Variants in CPT2 observed in about 807,000 individuals in gnomAD.
The protein encoded by CPT2 is carnitine palmitoyltransferase 2.
Under a neutral mutation model 48.6 loss-of-function variants are expected in CPT2, and 37 were observed. The ratio of observed to expected loss-of-function variants is 0.76; its 90% CI spans 0.59 to 1.00. The LOEUF is 1.00. Among genes scored for constraint, CPT2 ranks in the 50% least tolerant of loss-of-function variants. CPT2 has a pLI of 0.00. For missense variants in CPT2, 772 were observed against 825.6 expected (o/e 0.94, Z 0.80); for synonymous variants, 319 against 326.9 (o/e 0.98, Z 0.26).
intron 4 of CPT2, among the ~76,000 whole-genome samples, chr1:53,213,027 C>T (rs1319932921): frequency 6.6e-6 from 1 of 152,164 alleles, no homozygotes; most frequent in Non-Finnish European, 1.5e-5. Context: ...ATTTTTAGCT[C>T]AGCTGTTGAC....
Position 53,213,763 on chromosome 1 carries a change from T to C in CPT2, c.*168T>C. On this transcript the variant is annotated 3_prime_UTR_variant, in exon 5 of 5. Transcript: ENST00000371486. Reference sequence around the variant, plus strand: ...GGCCAACATGGTGAAACCTTGTCTCTACTAAAAATACAAAAATTAGCTGGG... The same window carrying C: ...GGCCAACATGGTGAAACCTTGTCTCCACTAAAAATACAAAAATTAGCTGGG... The C allele has an allele frequency of 1.6e-6, 1 of 621,582 alleles. No individual in the cohort carries two copies. Among genetic ancestry groups the C allele is most frequent in the Non-Finnish European group, 2.8e-6 (1 of 354,612 alleles). 38.5% of individuals were successfully genotyped at this position (621,582 alleles called of 1,614,324 possible).
chr1:53,202,254 C>G, intron 2 of CPT2, 69 bp from the exon 3 acceptor site: 1 of 1,292,090 alleles, frequency 7.7e-7, no homozygotes, highest in Non-Finnish European at 1.1e-6. Context: ...TTATGAGTTC[C>G]TCGCCATGAA....
chr1:53,210,056 G>T lies in CPT2; in HGVS notation c.382G>T (p.Val128Phe). Residue 128 changes from valine to phenylalanine, a missense_variant, in exon 4 of 5, where the codon GTT becomes TTT. Coordinates refer to ENST00000371486, the MANE Select transcript of CPT2 (RefSeq NM_000098.3). The part of the protein sequence containing the change: ...DMYLSARDSV[V>F]LNFNPFMAFN... ...GTACCTATCTGCTCGAGACTCCGTT[G>T]TTCTGAACTTTAATCCATTTATGGC... 2 of 1,614,040 alleles carry T rather than the reference G, an allele frequency of 1.2e-6. No homozygotes were observed. Among genetic ancestry groups the T allele is most frequent in the East Asian group, 2.2e-5 (1 of 44,876 alleles).
chr1:53,210,107 TATA>T lies in CPT2; in HGVS notation c.436_438del (p.Asn146del). 1.9e-6 allele frequency: 3 copies of T among 1,614,138 alleles called. No individual in the cohort carries two copies. Among genetic ancestry groups the T allele is most frequent in the Non-Finnish European group, 2.5e-6 (3 of 1,180,020 alleles). ...TTTCAATCCTGACCCAAAATCTGAG[TATA>T]ATGACCAGCTCACCCGGGCAACCAA... On this transcript the variant is annotated inframe_deletion, in exon 4 of 5. Transcript: ENST00000371486.
chr1:53,206,088 C>T (rs1054057863), intron 3 of CPT2, among the ~76,000 whole-genome samples: 2 of 148,012 alleles, frequency 1.4e-5, no homozygotes, highest in African/African-American at 5.0e-5. Context: ...GAGGCTGAGG[C>T]AGGAGAATAG....
intron 3 of CPT2, among the ~76,000 whole-genome samples, chr1:53,205,098 T>G (rs1351440668): frequency 6.6e-6 from 1 of 152,160 alleles, no homozygotes; most frequent in African/African-American, 2.4e-5. Context: ...TGGAACAGTT[T>G]GGAGGGGTCA....
At chr1:53,199,485 C>G (rs2100258485) in intron 1 of CPT2, among the ~76,000 whole-genome samples, 1 of 152,346 alleles carries the variant, frequency 6.6e-6, no homozygotes, top group East Asian at 1.9e-4. Context: ...CCACCGTGCC[C>G]AGCTTCACTC....
intron 4 of CPT2, among the ~76,000 whole-genome samples, chr1:53,211,898 CT>C (rs796089184): frequency 8.9e-4 from 125 of 140,966 alleles, no homozygotes; most frequent in African/African-American, 1.3e-3. Flanking sequence ...CGCACCTGGC[CT>C]TTTTTTTTTT....
intron 4 of CPT2, 164 bp from the exon 5 acceptor site, chr1:53,213,100 G>C: frequency 1.5e-6 from 1 of 677,284 alleles, no homozygotes; most frequent in South Asian, 1.6e-5. Context: ...AATCTAGCTT[G>C]AGCTGCTCTG....
chr1:53,197,107 C>A lies in CPT2; in HGVS notation c.152+12C>A. On this transcript the variant is annotated intron_variant, in intron 1 of 4. Coordinates refer to ENST00000371486, the MANE Select transcript of CPT2 (RefSeq NM_000098.3). ...GACAGCCTGCCCAGGTGAGCCTGGCCTCCGGGTCCCCGCCGCCCGCCGCCG... is the reference window on the plus strand; with the variant it reads ...GACAGCCTGCCCAGGTGAGCCTGGCATCCGGGTCCCCGCCGCCCGCCGCCG... The A allele has an allele frequency of 6.5e-7, 1 of 1,537,382 alleles. No individual in the cohort carries two copies. Among genetic ancestry groups the A allele is most frequent in the East Asian group, 2.4e-5 (1 of 40,882 alleles).
At chr1:53,206,896 A>G (rs1645393206) in intron 3 of CPT2, among the ~76,000 whole-genome samples, 1 of 152,200 alleles carries the variant, frequency 6.6e-6, no homozygotes. Context: ...GAAGTACATG[A>G]AATTTGGGAG....
rs1488632092 is a variant in CPT2 at position 53,210,087 on chromosome 1, A to G, written c.413A>G (p.Asn138Ser). ...AACTTTAATCCATTTATGGCTTTCA[A>G]TCCTGACCCAAAATCTGAGTATAAT... ...VLNFNPFMAF[N>S]PDPKSEYNDQ... is the part of the protein sequence containing the mutation. Residue 138 changes from asparagine (N) to serine (S), a missense_variant, in exon 4 of 5, where the codon AAT (asparagine) becomes AGT (serine). Coordinates refer to ENST00000371486, the MANE Select transcript of CPT2 (RefSeq NM_000098.3). 8.7e-6 allele frequency: 14 copies of G among 1,613,956 alleles called. No homozygotes were observed. Among genetic ancestry groups the G allele is most frequent in the Non-Finnish European group, 1.2e-5 (14 of 1,180,030 alleles).
intron 4 of CPT2, 65 bp from the exon 5 acceptor site, chr1:53,213,199 T>C: frequency 1.3e-6 from 2 of 1,524,628 alleles, no homozygotes; most frequent in East Asian, 2.2e-5. Context: ...ATGTGGTGAG[T>C]TGGGAGGTTT....
chr1:53,213,421 CT>C lies in CPT2; in HGVS notation c.1806del (p.Phe602LeufsTer20), dbSNP rs1416248797. On this transcript the variant is annotated frameshift_variant, in exon 5 of 5. Transcript: ENST00000371486. LOFTEE classifies it high-confidence loss of function. ...GCAGCCCAGCAGTGAACCTTGGGGG[CT>C]TTGCCCCTGTGGTCTCTGATGGCTT... is the stretch of plus-strand genomic sequence containing the variant. ...LSSPAVNLGG[F>X]APVVSDGFGV... The C allele has an allele frequency of 1.2e-6, 2 of 1,614,134 alleles. No individual in the cohort carries two copies. The highest frequency in any genetic ancestry group is 4.5e-5 in the East Asian group (2 of 44,902).
At chr1:53,197,142 CG>C (rs1019233761) in intron 1 of CPT2, 47 bp downstream of exon 1, 1 of 1,534,860 alleles carries the variant, frequency 6.5e-7, no homozygotes, top group African/African-American at 1.4e-5. Context: ...GTCCCAGGAT[CG>C]GCCCCAACCT....
intron 1 of CPT2, among the ~76,000 whole-genome samples, chr1:53,198,538 G>A (rs949593328): frequency 2.0e-5 from 3 of 152,236 alleles, no homozygotes; most frequent in African/African-American, 7.2e-5. Context: ...CAACCTGTGT[G>A]TATGAGCTGA....
chr1:53,197,170 G>T, intron 1 of CPT2, 75 bp downstream of exon 1: 1 of 1,511,086 alleles, frequency 6.6e-7, no homozygotes, highest in South Asian at 1.2e-5. Flanking sequence ...AGTCACTCAT[G>T]ACTCCTCTAG....
chr1:53,198,412 ACAT>A (rs1645336634), intron 1 of CPT2, among the ~76,000 whole-genome samples: 1 of 152,346 alleles, frequency 6.6e-6, no homozygotes, highest in Admixed American at 6.5e-5. Flanking sequence ...TTGTGAAATT[ACAT>A]TTTGTGCAAA....
chr1:53,213,600 T>C lies in CPT2; in HGVS notation c.*5T>C, dbSNP rs765487506. The stretch of plus-strand genomic sequence containing the variant: ...GGCAAATCCATCAAAAGTTAACTTC[T>C]GGGCAGATGAAAAGCTACCATCACT... On this transcript the variant is annotated 3_prime_UTR_variant, in exon 5 of 5. Coordinates refer to ENST00000371486, the MANE Select transcript of CPT2 (RefSeq NM_000098.3). 6.2e-7 allele frequency: 1 copy of C among 1,611,774 alleles called. No homozygotes were observed. Among genetic ancestry groups the C allele is most frequent in the South Asian group, 1.1e-5 (1 of 90,908 alleles).
Sources: allele counts gnomAD v4.1 joint callset (sites outside exome capture counted in the v4.1 genomes callset), GRCh38; gene constraint gnomAD v4.1.1; transcripts MANE v1.5; gene names NCBI Gene and HGNC (gene_info 2026-07-23, HGNC 2026-07-21).